The following HCN4 variants were observed in gnomAD, a reference collection of about 807,000 sequenced individuals.
HCN4 encodes hyperpolarization activated cyclic nucleotide gated potassium channel 4, also known as potassium/sodium hyperpolarization-activated cyclic nucleotide-gated channel 4.
HCN4 carries 29 observed loss-of-function variants against 76.9 expected under a neutral mutation model. The observed-to-expected ratio is 0.38, with a 90% CI of 0.28 to 0.51. The LOEUF (loss-of-function observed/expected upper bound fraction) is 0.51, where lower values mean the gene tolerates loss of function less well. Among genes scored for constraint, HCN4 ranks in the 20% least tolerant of loss-of-function variants. The pLI is 0.90. For synonymous variants in HCN4, 772 were observed against 762.5 expected, an observed-to-expected ratio of 1.01 and a Z score of -0.21; for missense variants, 1,416 against 1,715.2, an observed-to-expected ratio of 0.83 and a Z score of 3.08.
rs2043134738 is a variant in HCN4 at position 73,367,661 on chromosome 15, C to T, written c.610G>A (p.Ala204Thr). ...CCGGCCTGGCCCAGGCGCACCTCGG[C>T]CTCCGGGAGGATCTGGTCGCCGGCA... is the stretch of plus-strand genomic sequence containing the variant. ...AAAGDQILPE[A>T]EVRLGQAGFM... Residue 204 changes from alanine (A) to threonine (T), a missense_variant, in exon 1 of 8, where the codon GCC (alanine) becomes ACC (threonine). Coordinates refer to ENST00000261917, the MANE Select transcript of HCN4 (RefSeq NM_005477.3). The surrounding 1 kb of genome is among the most constrained non-coding windows in gnomAD (Gnocchi z 7.5). 9 of 1,608,348 alleles carry T rather than the reference C, an allele frequency of 5.6e-6. No homozygotes were observed. The highest frequency in any genetic ancestry group is 7.6e-6 in the Non-Finnish European group (9 of 1,179,846).
chr15:73,337,430 C>A (rs768826060), intron 2 of HCN4, among the ~76,000 whole-genome samples: 89 of 152,354 alleles, frequency 5.8e-4, no homozygotes, highest in South Asian at 1.4e-3. Flanking sequence ...AGCCTCCGGG[C>A]ATGGCTAGAA....
At chr15:73,331,394 A>G (rs890268412) in intron 3 of HCN4, among the ~76,000 whole-genome samples, 19 of 152,330 alleles carry the variant, frequency 1.2e-4, no homozygotes, top group Admixed American at 5.2e-4. Flanking sequence ...AAGTGACCAC[A>G]TATGACCTGG....
chr15:73,353,753 TG>T (rs2043065502), intron 1 of HCN4, among the ~76,000 whole-genome samples: 1 of 152,118 alleles, frequency 6.6e-6, no homozygotes, highest in Non-Finnish European at 1.5e-5. Context: ...GCCTGTGTCC[TG>T]GGGCTGGCAT....
At position 73,362,502 on chromosome 15, in the gene HCN4, G is replaced by A. The variant is rs1473751749; in HGVS notation, c.785+4984C>T. On this transcript the variant is annotated intron_variant, in intron 1 of 7. Coordinates refer to ENST00000261917, the MANE Select transcript of HCN4 (RefSeq NM_005477.3). Reference sequence around the variant, plus strand: ...AATCTGTATTGAACAAGATCGCCGGGTGAGTCGGATGACATTACAGCAGGA... The same window carrying A: ...AATCTGTATTGAACAAGATCGCCGGATGAGTCGGATGACATTACAGCAGGA... Among the ~76,000 whole-genome samples, 3 of 152,244 alleles carry A rather than the reference G, an allele frequency of 2.0e-5. No individual in the cohort carries two copies. The East Asian group carries it at 5.8e-4, about 29-fold the overall frequency.
At chr15:73,361,894 C>T (rs1216214498) in intron 1 of HCN4, among the ~76,000 whole-genome samples, 2 of 152,236 alleles carry the variant, frequency 1.3e-5, no homozygotes, top group Admixed American at 1.3e-4. Context: ...CACTGGCTCC[C>T]CTGCTCAGTC....
intron 4 of HCN4, among the ~76,000 whole-genome samples, chr15:73,326,926 A>C (rs1456395815): frequency 6.6e-6 from 1 of 151,518 alleles, no homozygotes; most frequent in East Asian, 1.9e-4. Context: ...AGCTGGCACT[A>C]TAGGCACATG....
At chr15:73,361,135 C>T (rs1405286566) in intron 1 of HCN4, among the ~76,000 whole-genome samples, 1 of 152,200 alleles carries the variant, frequency 6.6e-6, no homozygotes, top group Non-Finnish European at 1.5e-5. Context: ...CCAAACAGAG[C>T]ACATCTGGAT....
chr15:73,333,134 T>TG (rs551891740), intron 2 of HCN4, among the ~76,000 whole-genome samples: 91 of 151,998 alleles, frequency 6.0e-4, no homozygotes, highest in African/African-American at 2.1e-3. Context: ...CAGCTCGGAG[T>TG]GGGGGGCTGC....
At chr15:73,338,568 G>C (rs888808609) in intron 2 of HCN4, among the ~76,000 whole-genome samples, 4 of 152,174 alleles carry the variant, frequency 2.6e-5, no homozygotes, top group Admixed American at 1.3e-4. Context: ...AGGCACTCAG[G>C]ACATGTTGGT....
chr15:73,363,939 T>C (rs967778851), intron 1 of HCN4, among the ~76,000 whole-genome samples: 1 of 150,484 alleles, frequency 6.6e-6, no homozygotes, highest in Non-Finnish European at 1.5e-5. Context: ...GTTGGGGAGG[T>C]GATGGGAGGT....
chr15:73,340,591 C>T (rs1201186332), intron 2 of HCN4, among the ~76,000 whole-genome samples: 9 of 152,160 alleles, frequency 5.9e-5, no homozygotes, highest in Admixed American at 5.9e-4. Flanking sequence ...GAGTCACTGT[C>T]CCCTCTCAGC....
chr15:73,346,410 G>A (rs185253240), intron 1 of HCN4, among the ~76,000 whole-genome samples: 3 of 152,206 alleles, frequency 2.0e-5, no homozygotes, highest in African/African-American at 7.2e-5. Context: ...ATTATGAAAT[G>A]AGTAAATAAA....
At chr15:73,331,835 C>T (rs1595823852) in intron 3 of HCN4, among the ~76,000 whole-genome samples, 1 of 152,224 alleles carries the variant, frequency 6.6e-6, no homozygotes, top group East Asian at 1.9e-4. Context: ...TGGGGGAGGC[C>T]GCCCAGGTCT....
At position 73,322,229 on chromosome 15, in the gene HCN4, A is replaced by G; in HGVS notation, c.*252T>C. 2.8e-6 allele frequency: 1 copy of G among 358,072 alleles called. No homozygotes were observed. The highest frequency in any genetic ancestry group is 5.3e-6 in the Non-Finnish European group (1 of 188,142). The allele number at this position is 358,072 out of a possible 1,614,324, so 22.2% of individuals were successfully genotyped here. A position where few individuals can be genotyped will look rare whatever the true frequency, so the allele number is the denominator to read the frequency against. ...CCTTTCTCTGGCTTTTGCATTTGGG[A>G]CCTGCCTGCTCCCTCCTCCCTCCCC... On this transcript the variant is annotated 3_prime_UTR_variant, in exon 8 of 8. Transcript: ENST00000261917.
chr15:73,353,387 G>A (rs1423917470), intron 1 of HCN4, among the ~76,000 whole-genome samples: 1 of 152,228 alleles, frequency 6.6e-6, no homozygotes, highest in Non-Finnish European at 1.5e-5. Flanking sequence ...CCGTGCCCGG[G>A]AGGTCAGGAT....
In HCN4 at chr15:73,323,279, A is replaced by C. The variant is rs2151214395; in HGVS notation, c.2814T>G (p.Ala938=). ...CGGGTGGCGCGGGAGATGGCTGGGC[A>C]GCCTGCGGGGAGCGGGCGCCTGGCT... is the stretch of plus-strand genomic sequence containing the variant. ...PLQPGARSPQ[A]AQPSPAPPGA... Residue 938 remains alanine (A), a synonymous_variant, in exon 8 of 8, where the codon GCT becomes GCG. Coordinates refer to ENST00000261917, the MANE Select transcript of HCN4 (RefSeq NM_005477.3). 6.5e-7 allele frequency: 1 copy of C among 1,532,056 alleles called. No homozygotes were observed. Among genetic ancestry groups the C allele is most frequent in the East Asian group, 2.3e-5 (1 of 42,786 alleles). The allele number at this position is 1,532,056 out of a possible 1,614,324, so 94.9% of individuals were successfully genotyped here. A position where few individuals can be genotyped will look rare whatever the true frequency, so the allele number is the denominator to read the frequency against.
At position 73,321,371 on chromosome 15, in the gene HCN4, T is replaced by G. The variant is rs2042856321; in HGVS notation, c.*1110A>C. The G allele has an allele frequency of 6.6e-6, 1 of 152,228 alleles. No homozygotes were observed. Among genetic ancestry groups the G allele is most frequent in the Non-Finnish European group, 1.5e-5 (1 of 68,052 alleles). 9.4% of individuals were successfully genotyped at this position (152,228 alleles called of 1,614,324 possible). ...ACTCGAACCTCAAATCAGTCCCCAC[T>G]CTGCCACTCCTAGTTACATGATTCT... On this transcript the variant is annotated 3_prime_UTR_variant, in exon 8 of 8. Coordinates refer to ENST00000261917, the MANE Select transcript of HCN4 (RefSeq NM_005477.3).
At chr15:73,338,892 A>G (rs2042981688) in intron 2 of HCN4, among the ~76,000 whole-genome samples, 3 of 152,212 alleles carry the variant, frequency 2.0e-5, no homozygotes, top group Non-Finnish European at 2.9e-5. Flanking sequence ...TGGGTGCAGG[A>G]GACAGGGCCA....
rs560874115 is a variant in HCN4 at position 73,367,813 on chromosome 15, T to C, written c.458A>G (p.Glu153Gly). The part of the protein sequence containing the change: ...RTPPGLAAEP[E>G]RPGASAQPAA... Reference sequence around the variant, plus strand: ...GGGCTGCGCCGAGGCGCCGGGGCGCTCGGGCTCGGCCGCCAGGCCTGGGGG... The same window carrying C: ...GGGCTGCGCCGAGGCGCCGGGGCGCCCGGGCTCGGCCGCCAGGCCTGGGGG... The change falls in exon 1 of 8, where the codon GAG becomes GGG. Residue 153 changes from glutamate (E) to glycine (G), a missense_variant. Physicochemically the swap from Glu to Gly is moderately conservative, Grantham distance 98. Around this residue, in one of 6 missense-constraint regions of HCN4, gnomAD observed 355 missense variants for 347.8 expected, o/e 1.02. Transcript: ENST00000261917. The surrounding 1 kb of genome is among the most constrained non-coding windows in gnomAD (Gnocchi z 7.5). The C allele has an allele frequency of 2.8e-3, 3,474 of 1,237,616 alleles. 7 individuals carry two copies. The highest frequency in any genetic ancestry group is 3.3e-3 in the Non-Finnish European group (3,248 of 996,034). 76.7% of individuals were successfully genotyped at this position (1,237,616 alleles called of 1,614,324 possible).
Sources: gnomAD v4.1 joint callset for allele counts (sites outside exome capture counted in the v4.1 genomes callset) on GRCh38, gnomAD v4.1.1 for gene constraint, gnomAD v4.1.1 regional missense constraint, Gnocchi (gnomAD v3.1) non-coding constraint, MANE v1.5 for transcripts, NCBI Gene and HGNC (gene_info 2026-07-23, HGNC 2026-07-21) for gene names.